Variants in HIVEP3 observed in about 807,000 individuals in gnomAD.
The protein encoded by HIVEP3 is transcription factor HIVEP3.
Under a neutral mutation model 152.8 loss-of-function variants are expected in HIVEP3, and 49 were observed. The observed-to-expected ratio is 0.32, with a 90% CI of 0.26 to 0.41. HIVEP3 has a LOEUF of 0.41. HIVEP3 is among the 10% of genes least tolerant of loss of function. The probability of loss-of-function intolerance (pLI) is 1.00; values close to 1 mark genes in which losing one functional copy is unlikely to be tolerated. For missense variants in HIVEP3, 2,790 were observed against 3,103.3 expected, an observed-to-expected ratio of 0.90 and a Z score of 2.40; for synonymous variants, 1,269 against 1,289.0, an observed-to-expected ratio of 0.98 and a Z score of 0.33.
At chr1:41,815,796 G>A (rs1401145280) in intron 1 of HIVEP3, among the ~76,000 whole-genome samples, 2 of 150,972 alleles carry the variant, frequency 1.3e-5, no homozygotes, top group East Asian at 3.9e-4. Flanking sequence ...TGAGACAGAA[G>A]TCTCTCTCTG....
chr1:41,936,306 A>AT (rs1230004200), intron 1 of HIVEP3, among the ~76,000 whole-genome samples: 1 of 152,194 alleles, frequency 6.6e-6, no homozygotes, highest in East Asian at 1.9e-4. Context: ...AAATGAATCT[A>AT]TTCAGATGAC....
chr1:41,654,787 G>T (rs186656405), intron 2 of HIVEP3, among the ~76,000 whole-genome samples: 1 of 152,258 alleles, frequency 6.6e-6, no homozygotes, highest in Admixed American at 6.5e-5. Flanking sequence ...AGGTATGCTG[G>T]GTACTACAGT....
intron 2 of HIVEP3, among the ~76,000 whole-genome samples, chr1:41,639,838 C>T (rs749907217): frequency 1.3e-5 from 2 of 152,162 alleles, no homozygotes; most frequent in African/African-American, 2.4e-5. Flanking sequence ...AGCTGACTCA[C>T]GGATGAGTGA....
Position 41,580,002 on chromosome 1 carries a change from T to C in HIVEP3, c.4796A>G (p.His1599Arg). Reference sequence around the variant, plus strand: ...GCACCAACTGACATTAGTGGTTGTGTGGAGGCTGGGGAACTGCAGTACCTT... The same window carrying C: ...GCACCAACTGACATTAGTGGTTGTGCGGAGGCTGGGGAACTGCAGTACCTT... ...SKKVLQFPSL[H>R]TTTNVSWCYL... The change falls in exon 4 of 9, where the codon CAC becomes CGC. Residue 1599 changes from histidine to arginine, a missense_variant. By Grantham distance (29) the His-to-Arg change is conservative (BLOSUM62 0). Transcript: ENST00000372583. 6.2e-7 allele frequency: 1 copy of C among 1,614,240 alleles called. No individual in the cohort carries two copies. The highest frequency in any genetic ancestry group is 8.5e-7 in the Non-Finnish European group (1 of 1,180,044).
intron 5 of HIVEP3, among the ~76,000 whole-genome samples, chr1:41,540,868 G>A (rs1179764965): frequency 2.0e-5 from 3 of 152,148 alleles, no homozygotes; most frequent in African/African-American, 7.2e-5. Flanking sequence ...TAAGTCTGGG[G>A]CAAAATAGAT....
chr1:41,900,225 G>C (rs1334509410), intron 1 of HIVEP3, among the ~76,000 whole-genome samples: 1 of 152,136 alleles, frequency 6.6e-6, no homozygotes, highest in Non-Finnish European at 1.5e-5. Context: ...CACCTTTAAA[G>C]TGGGTCCCAC....
At chr1:41,991,218 T>G in intron 1 of HIVEP3, among the ~76,000 whole-genome samples, 1 of 152,038 alleles carries the variant, frequency 6.6e-6, no homozygotes, top group Non-Finnish European at 1.5e-5. Flanking sequence ...CAGGAGCTGG[T>G]TTTTTGAAAG....
chr1:42,008,471 T>A (rs750967852), intron 1 of HIVEP3, among the ~76,000 whole-genome samples: 1 of 152,240 alleles, frequency 6.6e-6, no homozygotes, highest in Non-Finnish European at 1.5e-5. Context: ...ACACTGTGGC[T>A]TCTTCTGATT....
chr1:41,540,576 C>T (rs1643505303), intron 5 of HIVEP3, among the ~76,000 whole-genome samples: 1 of 152,244 alleles, frequency 6.6e-6, no homozygotes, highest in African/African-American at 2.4e-5. Flanking sequence ...CCTTCTTACC[C>T]CATACCCCAA....
intron 1 of HIVEP3, among the ~76,000 whole-genome samples, chr1:41,940,962 C>A (rs1645042905): frequency 6.6e-6 from 1 of 151,970 alleles, no homozygotes. Flanking sequence ...AGAGGAAAAC[C>A]AGCAGAGTAT....
intron 1 of HIVEP3, among the ~76,000 whole-genome samples, chr1:41,735,814 C>T (rs1014883201): frequency 9.9e-5 from 15 of 152,108 alleles, no homozygotes; most frequent in Non-Finnish European, 1.5e-5. Flanking sequence ...TCGATCTTGG[C>T]GCCTCCCTCC....
chr1:41,600,534 G>A (rs1191576014), intron 3 of HIVEP3, among the ~76,000 whole-genome samples: 2 of 152,158 alleles, frequency 1.3e-5, no homozygotes, highest in Non-Finnish European at 2.9e-5. Flanking sequence ...AAAGTCAACT[G>A]GTGGTTGCCA....
intron 1 of HIVEP3, among the ~76,000 whole-genome samples, chr1:41,723,409 A>G (rs1247004500): frequency 6.6e-6 from 1 of 151,868 alleles, no homozygotes; most frequent in Non-Finnish European, 1.5e-5. Flanking sequence ...GAAATACTAA[A>G]GTTCTGGTTC....
upstream of HIVEP3, among the ~76,000 whole-genome samples, chr1:41,920,590 TG>T (rs1226677167): frequency 6.7e-5 from 9 of 133,606 alleles, no homozygotes; most frequent in East Asian, 2.2e-4. Flanking sequence ...TTTTTTTTTT[TG>T]TTTTGTTTTT....
intron 5 of HIVEP3, among the ~76,000 whole-genome samples, chr1:41,547,004 G>A (rs985830396): frequency 6.6e-5 from 10 of 152,186 alleles, no homozygotes; most frequent in African/African-American, 2.4e-4. Context: ...ATCGGGAGTG[G>A]TGGGAGGTGC....
chr1:41,966,938 T>C (rs564394651), intron 1 of HIVEP3, among the ~76,000 whole-genome samples: 1 of 151,624 alleles, frequency 6.6e-6, no homozygotes, highest in East Asian at 1.9e-4. Flanking sequence ...CCAACAAAGA[T>C]CAAAAAAGAC....
chr1:41,547,341 C>T (rs953139142), intron 5 of HIVEP3, among the ~76,000 whole-genome samples: 1 of 152,092 alleles, frequency 6.6e-6, no homozygotes, highest in East Asian at 1.9e-4. Flanking sequence ...AATAATCAGT[C>T]GGTCTTGGGG....
intron 1 of HIVEP3, among the ~76,000 whole-genome samples, chr1:42,019,669 G>T (rs1645543049): frequency 6.6e-6 from 1 of 151,860 alleles, no homozygotes; most frequent in South Asian, 2.1e-4. Context: ...ATACAGTCAT[G>T]TTGCCTATTG....
At chr1:41,698,268 T>C (rs1376849312) in intron 2 of HIVEP3, among the ~76,000 whole-genome samples, 3 of 152,168 alleles carry the variant, frequency 2.0e-5, no homozygotes, top group African/African-American at 7.2e-5. Context: ...AGAGCACTGA[T>C]GGGCATGCAG....
Sources: allele counts gnomAD v4.1 joint callset (sites outside exome capture counted in the v4.1 genomes callset), GRCh38; gene constraint gnomAD v4.1.1; transcripts MANE v1.5; gene names NCBI Gene and HGNC (gene_info 2026-07-23, HGNC 2026-07-21).